MLIP: variants seen among roughly 807,000 people sequenced by gnomAD.
MLIP encodes muscular LMNA interacting protein, also known as muscular LMNA-interacting protein.
Under a neutral mutation model 84.8 loss-of-function variants are expected in MLIP, and 79 were observed. That is an observed-to-expected ratio of 0.93 (90% CI 0.78 to 1.12). MLIP has a LOEUF of 1.12. Among genes scored for constraint, MLIP ranks in the 50% most tolerant of loss-of-function variants. The pLI is 0.00. For missense variants in MLIP, 1,257 were observed against 1,160.6 expected (o/e 1.08, Z -1.21); for synonymous variants, 504 against 463.0 (o/e 1.09, Z -1.14).
Position 54,124,454 on chromosome 6 carries a change from C to G in MLIP, c.253-19C>G. On this transcript the variant is annotated intron_variant, in intron 2 of 13. Transcript: ENST00000502396. Reference sequence around the variant, plus strand: ...ATTAAACTAATGTCAATGCTTTTATCTCTCTACATCTATTACAGTCTAAAT... The same window carrying G: ...ATTAAACTAATGTCAATGCTTTTATGTCTCTACATCTATTACAGTCTAAAT... The G allele has an allele frequency of 6.3e-7, 1 of 1,578,894 alleles. No homozygotes were observed. Among genetic ancestry groups the G allele is most frequent in the East Asian group, 2.3e-5 (1 of 44,378 alleles).
chr6:54,028,567 C>A (rs1763949805), intron 1 of MLIP, among the ~76,000 whole-genome samples: 1 of 152,036 alleles, frequency 6.6e-6, no homozygotes, highest in Admixed American at 6.5e-5. Flanking sequence ...GAAATAAAAC[C>A]TTTTTTCATC....
intron 13 of MLIP, among the ~76,000 whole-genome samples, chr6:54,265,698 G>T (rs1237806576): frequency 2.0e-5 from 3 of 152,052 alleles, no homozygotes; most frequent in African/African-American, 7.2e-5. Context: ...CTTTGTAGGA[G>T]GCCAGAACTG....
chr6:54,183,427 A>G (rs1777081594), intron 9 of MLIP, among the ~76,000 whole-genome samples: 1 of 152,154 alleles, frequency 6.6e-6, no homozygotes, highest in African/African-American at 2.4e-5. Context: ...ATTGAATGAG[A>G]CAAACCTTCT....
intron 8 of MLIP, among the ~76,000 whole-genome samples, chr6:54,169,156 G>A (rs1424281745): frequency 6.6e-6 from 1 of 151,582 alleles, no homozygotes; most frequent in Non-Finnish European, 1.5e-5. Flanking sequence ...TTCTGGGAGT[G>A]AATGATTGAA....
chr6:54,137,480 C>G lies in MLIP; in HGVS notation c.1411C>G (p.Leu471Val). Residue 471 changes from leucine (L) to valine (V), a missense_variant, in exon 4 of 14, where the codon CTG (leucine) becomes GTG (valine). Coordinates refer to ENST00000502396, the MANE Select transcript of MLIP (RefSeq NM_001281747.2). ...TAAAAAATCTCTCTCAAGTTGTTCC[C>G]TGAGAGCCGGGTCACCAGATCAAGG... The part of the protein sequence containing the change: ...TPKKSLSSCS[L>V]RAGSPDQGEL... 6.5e-7 allele frequency: 1 copy of G among 1,536,084 alleles called. No individual in the cohort carries two copies. The highest frequency in any genetic ancestry group is 8.7e-7 in the Non-Finnish European group (1 of 1,146,894).
At chr6:54,242,074 G>C (rs1169767836) in intron 12 of MLIP, among the ~76,000 whole-genome samples, 2 of 152,124 alleles carry the variant, frequency 1.3e-5, no homozygotes, top group African/African-American at 2.4e-5. Flanking sequence ...AGAGGATTAG[G>C]GGTTGGCATA....
At position 54,090,936 on chromosome 6, in the gene MLIP, A is replaced by G. The variant is rs576405862; in HGVS notation, c.64-30511A>G. Among the ~76,000 whole-genome samples, 18 of 152,208 alleles carry G rather than the reference A, an allele frequency of 1.2e-4. No homozygotes were observed. In the South Asian group the frequency reaches 3.7e-3, roughly 32 times the overall value. ...TGTATCATTGTTCTAATCATTTTTC[A>G]TGTTTTTATGGGGGCTATACTGTAA... On this transcript the variant is annotated intron_variant, in intron 1 of 12. Transcript: ENST00000274897.
intron 3 of MLIP, 32 bp downstream of exon 3, chr6:54,124,897 A>G: frequency 1.3e-6 from 2 of 1,523,560 alleles, no homozygotes; most frequent in Non-Finnish European, 1.8e-6. Context: ...TCCATAAGGA[A>G]AAAAAAAGCG....
At chr6:54,078,496 A>G (rs1486657405) in intron 1 of MLIP, among the ~76,000 whole-genome samples, 1 of 152,056 alleles carries the variant, frequency 6.6e-6, no homozygotes, top group African/African-American at 2.4e-5. Context: ...AGGTGAGCAG[A>G]CTGCTTCAGC....
chr6:54,225,785 C>A (rs114046469), intron 11 of MLIP, among the ~76,000 whole-genome samples: 19 of 152,294 alleles, frequency 1.2e-4, no homozygotes, highest in African/African-American at 4.3e-4. Flanking sequence ...CCCTTAAGGA[C>A]TTTCAGTAAG....
At chr6:54,086,203 A>G (rs1442187980) in intron 1 of MLIP, among the ~76,000 whole-genome samples, 1 of 152,158 alleles carries the variant, frequency 6.6e-6, no homozygotes. Context: ...AAGGTTGTAC[A>G]TGCTCTCTAT....
intron 1 of MLIP, among the ~76,000 whole-genome samples, chr6:54,087,837 C>T (rs1767605478): frequency 6.7e-6 from 1 of 149,210 alleles, no homozygotes; most frequent in Non-Finnish European, 1.5e-5. Context: ...TTTAACTCCT[C>T]CACTGTTTGA....
chr6:54,188,608 C>G (rs943644537), intron 9 of MLIP, among the ~76,000 whole-genome samples: 3 of 152,134 alleles, frequency 2.0e-5, no homozygotes, highest in Non-Finnish European at 4.4e-5. Flanking sequence ...GGACCCCTGT[C>G]ATACATGAGG....
chr6:54,231,848 T>C (rs1781026328), intron 12 of MLIP, among the ~76,000 whole-genome samples: 2 of 152,116 alleles, frequency 1.3e-5, no homozygotes, highest in South Asian at 2.1e-4. Flanking sequence ...TGAGGCATTT[T>C]TAAAGAAAAA....
At chr6:54,080,360 C>T (rs1767058844) in intron 1 of MLIP, among the ~76,000 whole-genome samples, 2 of 152,046 alleles carry the variant, frequency 1.3e-5, no homozygotes, top group African/African-American at 4.8e-5. Context: ...ACTCCATCTT[C>T]ACCCCCCACC....
intron 1 of MLIP, among the ~76,000 whole-genome samples, chr6:54,052,688 A>G (rs960327742): frequency 2.0e-5 from 3 of 152,110 alleles, no homozygotes; most frequent in Non-Finnish European, 2.9e-5. Context: ...TTTTTTGGAG[A>G]TAAATTATAA....
At chr6:54,116,816 C>T (rs1035634288) in intron 1 of MLIP, among the ~76,000 whole-genome samples, 9 of 152,104 alleles carry the variant, frequency 5.9e-5, no homozygotes, top group East Asian at 5.8e-4. Context: ...GGCCAATATT[C>T]GTGATGAACA....
chr6:54,027,388 C>T (rs1310077636), intron 1 of MLIP, among the ~76,000 whole-genome samples: 2 of 83,624 alleles, frequency 2.4e-5, no homozygotes, highest in Admixed American at 9.6e-5. Flanking sequence ...CACACACACA[C>T]ACACACACAC....
At chr6:54,142,429 T>C (rs1772396985) in intron 4 of MLIP, among the ~76,000 whole-genome samples, 1 of 152,160 alleles carries the variant, frequency 6.6e-6, no homozygotes, top group African/African-American at 2.4e-5. Flanking sequence ...GGGATAGGTT[T>C]CTTTGAGAAT....
Sources: allele counts gnomAD v4.1 joint callset (sites outside exome capture counted in the v4.1 genomes callset), GRCh38; gene constraint gnomAD v4.1.1; transcripts MANE v1.5; gene names NCBI Gene and HGNC (gene_info 2026-07-23, HGNC 2026-07-21).